The following FBXW8 variants were observed in gnomAD, a reference collection of about 807,000 sequenced individuals.
FBXW8 encodes the protein F-box and WD repeat domain containing 8, also known as F-box/WD repeat-containing protein 8.
A neutral mutation model predicts 65.3 loss-of-function variants in FBXW8; 57 were observed. The observed-to-expected ratio is 0.87, with a 90% CI of 0.71 to 1.09. FBXW8 has a LOEUF of 1.09. Ranked by LOEUF, FBXW8 falls within the 50% of genes least tolerant of loss-of-function variation. The pLI, the probability that FBXW8 is intolerant of heterozygous loss-of-function variation, is 0.00. For synonymous variants in FBXW8, 308 were observed against 330.2 expected, an observed-to-expected ratio of 0.93 and a Z score of 0.73; for missense variants, 777 against 814.8, an observed-to-expected ratio of 0.95 and a Z score of 0.57.
Position 116,985,327 on chromosome 12 carries a change from T to C in FBXW8, c.957T>C (p.Ala319=). 1 of 1,614,234 alleles carries C rather than the reference T, an allele frequency of 6.2e-7. No individual in the cohort carries two copies. Among genetic ancestry groups the C allele is most frequent in the East Asian group, 2.2e-5 (1 of 44,892 alleles). ...ATGCAACCGTGGCCACAGCTTCTGC[T>C]TTTGATGTCGTGATGTTATCCCCCA... ...QDDATVATAS[A]FDVVMLSPNE... Residue 319 remains alanine (A), a synonymous_variant, in exon 6 of 11, where the codon GCT becomes GCC. Transcript: ENST00000652555.
intron 7 of FBXW8, among the ~76,000 whole-genome samples, chr12:116,998,706 A>AT (rs1327941216): frequency 7.3e-5 from 7 of 96,232 alleles, no homozygotes; most frequent in Non-Finnish European, 1.1e-4. Flanking sequence ...CCCTATTAGA[A>AT]ATGTTTGCCT....
At chr12:116,982,290 C>G (rs115929256) in intron 5 of FBXW8, among the ~76,000 whole-genome samples, 7 of 152,072 alleles carry the variant, frequency 4.6e-5, no homozygotes, top group Non-Finnish European at 1.0e-4. Flanking sequence ...AAGACACAAG[C>G]GAAAAGATGG....
intron 8 of FBXW8, among the ~76,000 whole-genome samples, chr12:117,020,402 A>G (rs768102137): frequency 6.6e-6 from 1 of 152,166 alleles, no homozygotes; most frequent in Non-Finnish European, 1.5e-5. Context: ...CATGTCTTTC[A>G]TCAGTTCGGG....
chr12:116,916,889 C>CAT (rs1555215320), intron 1 of FBXW8, among the ~76,000 whole-genome samples: 5 of 146,282 alleles, frequency 3.4e-5, no homozygotes, highest in South Asian at 2.3e-4. Flanking sequence ...GCTAATTGTG[C>CAT]GTGTGTGTGT....
chr12:116,935,272 G>A (rs1409838534), intron 2 of FBXW8, among the ~76,000 whole-genome samples: 3 of 152,152 alleles, frequency 2.0e-5, no homozygotes, highest in African/African-American at 7.2e-5. Context: ...CAGCATATTA[G>A]ATTATGGTAT....
At chr12:116,923,709 A>G (rs544527353) in intron 1 of FBXW8, among the ~76,000 whole-genome samples, 193 of 146,712 alleles carry the variant, frequency 1.3e-3, no homozygotes, top group Middle Eastern at 7.4e-3. Flanking sequence ...ATTTTTAATT[A>G]ATTAATTAAT....
chr12:116,919,239 C>G (rs1247781246), intron 1 of FBXW8, among the ~76,000 whole-genome samples: 2 of 152,174 alleles, frequency 1.3e-5, no homozygotes, highest in African/African-American at 4.8e-5. Context: ...TCCTTGTCCT[C>G]AGAGAGCCTA....
At chr12:117,021,357 C>A (rs902437217) in intron 8 of FBXW8, among the ~76,000 whole-genome samples, 5 of 152,118 alleles carry the variant, frequency 3.3e-5, no homozygotes, top group African/African-American at 1.2e-4. Context: ...AGACATTAGC[C>A]CTTTTTGTTG....
chr12:117,000,491 G>A (rs1953489069), intron 7 of FBXW8, among the ~76,000 whole-genome samples: 1 of 152,250 alleles, frequency 6.6e-6, no homozygotes, highest in Admixed American at 6.5e-5. Flanking sequence ...TGAAAACACT[G>A]AGCACTGGCC....
chr12:117,020,440 CTGTT>C (rs560450815), intron 8 of FBXW8, among the ~76,000 whole-genome samples: 232 of 152,282 alleles, frequency 1.5e-3, no homozygotes, highest in African/African-American at 5.3e-3. Context: ...TGTCCGCACT[CTGTT>C]TTTCTCCTTC....
chr12:116,955,086 A>G (rs928380838), intron 4 of FBXW8, among the ~76,000 whole-genome samples: 4 of 150,048 alleles, frequency 2.7e-5, no homozygotes, highest in African/African-American at 9.8e-5. Flanking sequence ...AGAGTCTAAC[A>G]TCTTTCCCAG....
rs1041334685 is a variant in FBXW8, at chr12:116,954,129, A to G, written c.677+4423A>G. 9.5e-3 allele frequency among the ~76,000 whole-genome samples: 1,446 copies of G among 151,762 alleles called. 21 individuals carry two copies. Among genetic ancestry groups the G allele is most frequent in the African/African-American group, 0.031 (1,282 of 41,304 alleles). ...TCTGTCTCAAAAAAAAAAAAAAAAA[A>G]AAAAAGAAAAAGCAGTGGTAAAAAC... is the stretch of plus-strand genomic sequence containing the variant. On this transcript the variant is annotated intron_variant, in intron 4 of 10. Transcript: ENST00000652555.
chr12:116,931,348 T>A (rs984663756), intron 2 of FBXW8, among the ~76,000 whole-genome samples: 12 of 152,200 alleles, frequency 7.9e-5, no homozygotes, highest in African/African-American at 2.9e-4. Flanking sequence ...TTGCTCAGGA[T>A]TGCTTTGGCT....
chr12:117,017,670 T>C (rs1477759421), intron 8 of FBXW8, among the ~76,000 whole-genome samples: 5 of 152,152 alleles, frequency 3.3e-5, no homozygotes, highest in Non-Finnish European at 4.4e-5. Flanking sequence ...TAAAATTAAT[T>C]TGGTCATAAA....
chr12:117,008,377 T>G (rs1324434932), intron 7 of FBXW8, among the ~76,000 whole-genome samples: 2 of 152,242 alleles, frequency 1.3e-5, no homozygotes, highest in African/African-American at 4.8e-5. Flanking sequence ...ATAAGAGATT[T>G]GGTTATTTCT....
Position 116,961,230 on chromosome 12 carries a change from A to G in FBXW8, c.678-3467A>G, listed in dbSNP as rs1040116244. On this transcript the variant is annotated intron_variant, in intron 4 of 10. Coordinates refer to ENST00000652555, the MANE Select transcript of FBXW8 (RefSeq NM_153348.3). The surrounding 1 kb of genome is among the most constrained non-coding windows in gnomAD (Gnocchi z 4.4). ...AGGCTGGTCTCAACCTCCTGACCTC[A>G]GGTGATCTGCCCCTGCCCTCAGCCT... Among the ~76,000 whole-genome samples, 6 of 152,120 alleles carry G rather than the reference A, an allele frequency of 3.9e-5. No homozygotes were observed. Among genetic ancestry groups the G allele is most frequent in the Middle Eastern group, 3.2e-3 (1 of 316 alleles).
At position 117,024,480 on chromosome 12, in the gene FBXW8, G is replaced by A. The variant is rs369027100; in HGVS notation, c.1541+160G>A. On this transcript the variant is annotated intron_variant, in intron 9 of 10. Transcript: ENST00000652555. ...AGGAGCCAGCTGCTGTCCCAGCACCGCTCTGCAGAGGAGGAAACAGGCTTG... is the reference window on the plus strand; with the variant it reads ...AGGAGCCAGCTGCTGTCCCAGCACCACTCTGCAGAGGAGGAAACAGGCTTG... Among the ~76,000 whole-genome samples, 7 of 152,320 alleles carry A rather than the reference G, an allele frequency of 4.6e-5. No individual in the cohort carries two copies. The East Asian group carries it at 7.7e-4, about 17-fold the overall frequency.
At chr12:116,952,822 C>T (rs1459860373) in intron 4 of FBXW8, among the ~76,000 whole-genome samples, 3 of 152,168 alleles carry the variant, frequency 2.0e-5, no homozygotes, top group African/African-American at 7.2e-5. Context: ...ACTGCAACCT[C>T]CACCTCCCAG....
chr12:116,959,533 T>A (rs1225372396), intron 4 of FBXW8, among the ~76,000 whole-genome samples: 1 of 152,132 alleles, frequency 6.6e-6, no homozygotes, highest in Non-Finnish European at 1.5e-5. Flanking sequence ...CCTTAAAAAA[T>A]TTTGTTTTTA....
Sources: allele counts gnomAD v4.1 joint callset (sites outside exome capture counted in the v4.1 genomes callset), GRCh38; gene constraint gnomAD v4.1.1; non-coding constraint Gnocchi (gnomAD v3.1); transcripts MANE v1.5; gene names NCBI Gene and HGNC (gene_info 2026-07-23, HGNC 2026-07-21).